Variants in SUMF1 observed in about 807,000 individuals in gnomAD.
SUMF1 encodes the protein formylglycine-generating enzyme.
SUMF1 carries 48 observed loss-of-function variants against 47.6 expected under a neutral mutation model. The observed-to-expected ratio is 1.01, with a 90% CI of 0.80 to 1.28. The LOEUF is 1.28. Ranked by LOEUF, SUMF1 falls within the 50% of genes most tolerant of loss-of-function variation. The probability of loss-of-function intolerance (pLI) is 0.00; values close to 1 mark genes in which losing one functional copy is unlikely to be tolerated. For missense variants in SUMF1, 571 were observed against 485.4 expected (o/e 1.18, Z -1.66); for synonymous variants, 230 against 192.1 (o/e 1.20, Z -1.63).
intron 8 of SUMF1, among the ~76,000 whole-genome samples, chr3:4,366,276 TG>T (rs1207690952): frequency 6.6e-6 from 1 of 152,184 alleles, no homozygotes; most frequent in African/African-American, 2.4e-5. Flanking sequence ...CTTGTTAGAT[TG>T]GGGAAGTTCT....
rs542638880 is a variant in SUMF1 at position 4,183,465 on chromosome 3, A to G, written c.1015-114720T>C. 7.9e-5 allele frequency among the ~76,000 whole-genome samples: 12 copies of G among 152,326 alleles called. No homozygotes were observed. The South Asian group carries it at 2.5e-3, about 32-fold the overall frequency. ...TCCTACTGAATTTGTAATGTAAACA[A>G]ATAGGAGACTAATAATTTGGAGACA... On this transcript the variant is annotated intron_variant and NMD_transcript_variant, in intron 8 of 12. Transcript: ENST00000448413.
chr3:4,102,932 T>C (rs1368704260), intron 8 of SUMF1, among the ~76,000 whole-genome samples: 1 of 151,480 alleles, frequency 6.6e-6, no homozygotes, highest in Non-Finnish European at 1.5e-5. Flanking sequence ...CTTTTTTTTT[T>C]TTTAATTTGA....
intron 8 of SUMF1, among the ~76,000 whole-genome samples, chr3:4,118,200 A>T (rs1402126771): frequency 6.6e-6 from 1 of 152,094 alleles, no homozygotes; most frequent in Non-Finnish European, 1.5e-5. Context: ...CATCGCCTCT[A>T]GCTTTGCCTC....
intron 8 of SUMF1, among the ~76,000 whole-genome samples, chr3:4,193,439 G>A (rs1379999777): frequency 6.6e-6 from 1 of 152,102 alleles, no homozygotes; most frequent in African/African-American, 2.4e-5. Flanking sequence ...CAGTTGATCA[G>A]AAGTGCAGGT....
chr3:4,139,317 C>A (rs887159409), intron 8 of SUMF1, among the ~76,000 whole-genome samples: 1 of 151,880 alleles, frequency 6.6e-6, no homozygotes, highest in Non-Finnish European at 1.5e-5. Context: ...AACCAACACT[C>A]ATGTTAGAGC....
chr3:4,284,447 GAGGAGGAGGAGGAGGAGGAGGAGGAGA>G (rs1336179524), intron 8 of SUMF1, among the ~76,000 whole-genome samples: 2 of 99,718 alleles, frequency 2.0e-5, no homozygotes, highest in East Asian at 3.7e-4. Flanking sequence ...ATGAAAGGAG[GAGGAGGAGGAGGAGGAGGAGGAGGAGA>G]AGGAGGAGGA....
intron 8 of SUMF1, among the ~76,000 whole-genome samples, chr3:4,168,803 A>G (rs1016116311): frequency 6.6e-6 from 1 of 152,202 alleles, no homozygotes; most frequent in Admixed American, 6.5e-5. Flanking sequence ...TGAAGCACTT[A>G]GCACAGTGCT....
At chr3:4,275,119 C>T (rs1464471375) in intron 8 of SUMF1, among the ~76,000 whole-genome samples, 2 of 152,058 alleles carry the variant, frequency 1.3e-5, no homozygotes, top group Non-Finnish European at 2.9e-5. Flanking sequence ...CCAGACTGTA[C>T]ATTCTTTTCT....
chr3:4,297,857 A>G (rs996614578), intron 8 of SUMF1, among the ~76,000 whole-genome samples: 2 of 152,202 alleles, frequency 1.3e-5, no homozygotes, highest in African/African-American at 2.4e-5. Flanking sequence ...TGATAAAAGA[A>G]TGGCTTCTGA....
At chr3:4,139,283 G>A (rs1574918172) in intron 8 of SUMF1, among the ~76,000 whole-genome samples, 4 of 151,918 alleles carry the variant, frequency 2.6e-5, no homozygotes, top group African/African-American at 9.7e-5. Flanking sequence ...TTTCGTATCA[G>A]TCATTATTAT....
intron 1 of SUMF1, among the ~76,000 whole-genome samples, chr3:4,453,338 G>A (rs1444305289): frequency 6.6e-6 from 1 of 152,112 alleles, no homozygotes; most frequent in Non-Finnish European, 1.5e-5. Flanking sequence ...AGCCGCTAAC[G>A]GCTAGAATGC....
At chr3:4,099,831 A>G (rs1692990686) in intron 8 of SUMF1, among the ~76,000 whole-genome samples, 1 of 151,970 alleles carries the variant, frequency 6.6e-6, no homozygotes, top group African/African-American at 2.4e-5. Context: ...TGAAAAAAGA[A>G]ACTAAGAAAA....
chr3:4,045,792 A>G (rs1694995178), intron 9 of SUMF1, among the ~76,000 whole-genome samples: 1 of 152,206 alleles, frequency 6.6e-6, no homozygotes, highest in Admixed American at 6.5e-5. Flanking sequence ...GAAACTAATA[A>G]TGAACTTGAG....
At chr3:4,133,015 G>C (rs624437) in intron 8 of SUMF1, among the ~76,000 whole-genome samples, 118,352 of 152,042 alleles carry the variant, frequency 0.78, 46,468 homozygotes, top group Admixed American at 0.83. Context: ...TAGGTGCTTG[G>C]TGAAGGCAAA....
At chr3:4,317,029 C>T (rs1698689731) in intron 8 of SUMF1, 1 of 1,549,358 alleles carries the variant, frequency 6.5e-7, no homozygotes, top group African/African-American at 1.4e-5. Context: ...TTGCCTCATC[C>T]ACCGTATTCA....
At chr3:4,362,375 T>C (rs1218153550) in intron 8 of SUMF1, 121 bp from the exon 9 acceptor site, 3 of 787,492 alleles carry the variant, frequency 3.8e-6, no homozygotes, top group African/African-American at 3.4e-5. Context: ...CCTGTATGGA[T>C]ACTTAACATG....
At chr3:4,268,744 A>G (rs981007443) in intron 8 of SUMF1, among the ~76,000 whole-genome samples, 1 of 152,056 alleles carries the variant, frequency 6.6e-6, no homozygotes, top group Non-Finnish European at 1.5e-5. Flanking sequence ...TTGAACCCGT[A>G]TCTAATTAAC....
chr3:4,294,390 C>G (rs1697801685), intron 8 of SUMF1, among the ~76,000 whole-genome samples: 1 of 152,140 alleles, frequency 6.6e-6, no homozygotes, highest in African/African-American at 2.4e-5. Flanking sequence ...CTGCAAGACC[C>G]TATCTCTACA....
At chr3:4,204,985 T>G (rs1695620707) in intron 8 of SUMF1, among the ~76,000 whole-genome samples, 1 of 152,154 alleles carries the variant, frequency 6.6e-6, no homozygotes, top group Non-Finnish European at 1.5e-5. Flanking sequence ...TGGTCATTTG[T>G]GCCTTATTTA....
Sources: allele counts gnomAD v4.1 joint callset (sites outside exome capture counted in the v4.1 genomes callset), GRCh38; gene constraint gnomAD v4.1.1; transcripts MANE v1.5; gene names NCBI Gene and HGNC (gene_info 2026-07-23, HGNC 2026-07-21).